Variants in EFNB3 observed in about 807,000 individuals in gnomAD.
The protein encoded by EFNB3 is ephrin B3, also known as ephrin-B3.
A neutral mutation model predicts 29.8 loss-of-function variants in EFNB3; 14 were observed. The ratio of observed to expected loss-of-function variants is 0.47; its 90% confidence interval spans 0.31 to 0.73. The LOEUF (loss-of-function observed/expected upper bound fraction) is 0.73, where lower values mean the gene tolerates loss of function less well. EFNB3 is among the 30% of genes least tolerant of loss of function. The pLI is 0.05. For synonymous variants in EFNB3, 216 were observed against 191.6 expected (o/e 1.13, Z -1.05); for missense variants, 408 against 458.0 (o/e 0.89, Z 1.00).
At position 7,708,369 on chromosome 17, in the gene EFNB3, G is replaced by T. The variant is rs962605727; in HGVS notation, c.416-66G>T. 120 of 1,589,766 alleles carry T rather than the reference G, an allele frequency of 7.5e-5. No individual in the cohort carries two copies. The highest frequency in any genetic ancestry group is 9.2e-5 in the Non-Finnish European group (107 of 1,166,982). ...GCCCTCAGGCAGTGTTCACACCAGG[G>T]TGTGGGGCCAGAATCAGGGCTAGAT... On this transcript the variant is annotated intron_variant, in intron 2 of 4. Coordinates refer to ENST00000226091, the MANE Select transcript of EFNB3 (RefSeq NM_001406.4). This position sits in a 1 kb window ranked among gnomAD's most constrained non-coding sequence, Gnocchi z 6.8.
Position 7,708,637 on chromosome 17 carries a change from C to T in EFNB3, c.511C>T (p.Pro171Ser). The T allele has an allele frequency of 6.3e-7, 1 of 1,578,868 alleles. No homozygotes were observed. The highest frequency in any genetic ancestry group is 8.6e-7 in the Non-Finnish European group (1 of 1,161,514). ...MKVLLRVGQS[P>S]RGGAVPRKPV... ...CTCTGGGTCTTCCTCATCTCCAGGTCCCCGAGGAGGGGCTGTCCCCCGAAA... is the reference window on the plus strand; with the variant it reads ...CTCTGGGTCTTCCTCATCTCCAGGTTCCCGAGGAGGGGCTGTCCCCCGAAA... Residue 171 changes from proline to serine, a missense_variant and splice_region_variant, in exon 4 of 5, where the codon CCC (proline) becomes TCC (serine). Coordinates refer to ENST00000226091, the MANE Select transcript of EFNB3 (RefSeq NM_001406.4). This position sits in a 1 kb window ranked among gnomAD's most constrained non-coding sequence, Gnocchi z 6.8.
At position 7,709,459 on chromosome 17, in the gene EFNB3, T is replaced by A; in HGVS notation, c.906T>A (p.Ala302=). 6.2e-7 allele frequency: 1 copy of A among 1,613,670 alleles called. No homozygotes were observed. Among genetic ancestry groups the A allele is most frequent in the Non-Finnish European group, 8.5e-7 (1 of 1,179,752 alleles). The change falls in exon 5 of 5, where the codon GCT becomes GCA. Residue 302 remains alanine (A), a synonymous_variant. Coordinates refer to ENST00000226091, the MANE Select transcript of EFNB3 (RefSeq NM_001406.4). The surrounding 1 kb of genome is among the most constrained non-coding windows in gnomAD (Gnocchi z 4.5). ...ELGIALRGGG[A]ADPPFCPHYE... is the part of the protein sequence containing the mutation. ...GGATAGCTCTGCGGGGTGGCGGGGC[T>A]GCAGATCCCCCCTTCTGCCCCCACT... is the stretch of plus-strand genomic sequence containing the variant.
rs961910507 is a variant in EFNB3, at chr17:7,705,365, G to A, written c.-234G>A. The A allele has an allele frequency of 5.6e-6, 2 of 356,492 alleles. No homozygotes were observed. Among genetic ancestry groups the A allele is most frequent in the African/African-American group, 4.3e-5 (2 of 46,468 alleles). The allele number at this position is 356,492 out of a possible 1,614,324, so 22.1% of individuals were successfully genotyped here. A position where few individuals can be genotyped will look rare whatever the true frequency, so the allele number is the denominator to read the frequency against. On this transcript the variant is annotated 5_prime_UTR_variant, in exon 1 of 5. Transcript: ENST00000226091. The surrounding 1 kb of genome is among the most constrained non-coding windows in gnomAD (Gnocchi z 5.4). ...GGCTCACAGATCCCGGGGTGCTGGC[G>A]CGTGGGCCGGGGGCGCGTAGGGCGC... is the stretch of plus-strand genomic sequence containing the variant.
Position 7,708,216 on chromosome 17 carries a change from C to T in EFNB3, c.381C>T (p.His127=), listed in dbSNP as rs577601810. The part of the protein sequence containing the change: ...FQEYSPNLWG[H]EFRSHHDYYI... ...AGTATAGCCCTAATCTCTGGGGCCA[C>T]GAGTTCCGCTCGCACCACGATTACT... The change falls in exon 2 of 5, where the codon CAC becomes CAT. Residue 127 remains histidine, a synonymous_variant. Coordinates refer to ENST00000226091, the MANE Select transcript of EFNB3 (RefSeq NM_001406.4). The surrounding 1 kb of genome is among the most constrained non-coding windows in gnomAD (Gnocchi z 6.8). The T allele has an allele frequency of 1.7e-5, 28 of 1,611,138 alleles. No individual in the cohort carries two copies. The highest frequency in any genetic ancestry group is 7.7e-5 in the South Asian group (7 of 91,090).
intron 1 of EFNB3, among the ~76,000 whole-genome samples, chr17:7,706,424 T>C (rs1411066605): frequency 2.6e-5 from 4 of 152,090 alleles, no homozygotes; most frequent in Non-Finnish European, 5.9e-5. Context: ...TGCTGCAAAC[T>C]CTTCCATCAG....
chr17:7,708,318 C>G lies in EFNB3; in HGVS notation c.415+68C>G. 1.3e-6 allele frequency: 2 copies of G among 1,584,510 alleles called. No homozygotes were observed. Among genetic ancestry groups the G allele is most frequent in the Non-Finnish European group, 1.7e-6 (2 of 1,164,216 alleles). ...TACTGAGCAGAGAGGGAGGGGGACC[C>G]CTGCAGCCAAGAGGGAGATCCCAGT... On this transcript the variant is annotated intron_variant, in intron 2 of 4. Transcript: ENST00000226091. The surrounding 1 kb of genome is among the most constrained non-coding windows in gnomAD (Gnocchi z 6.8).
Position 7,709,229 on chromosome 17 carries a change from C to G in EFNB3, c.676C>G (p.Pro226Ala), listed in dbSNP as rs959088807. The G allele has an allele frequency of 6.2e-7, 1 of 1,602,040 alleles. No homozygotes were observed. The highest frequency in any genetic ancestry group is 2.2e-5 in the East Asian group (1 of 44,630). The change falls in exon 5 of 5, where the codon CCT becomes GCT. Residue 226 changes from proline to alanine, a missense_variant. This residue lies in a region of EFNB3 where 233 missense variants were observed against 230.7 expected (regional missense o/e 1.01). Coordinates refer to ENST00000226091, the MANE Select transcript of EFNB3 (RefSeq NM_001406.4). The surrounding 1 kb of genome is among the most constrained non-coding windows in gnomAD (Gnocchi z 4.5). ...AEGPLPPPSM[P>A]AVAGAAGGLA... ...AGGCCCCCTGCCCCCTCCCAGCATG[C>G]CTGCAGTGGCTGGGGCAGCAGGGGG...
Position 7,709,755 on chromosome 17 carries a change from C to G in EFNB3, c.*179C>G. The G allele has an allele frequency of 4.3e-6, 3 of 699,488 alleles. No homozygotes were observed. The highest frequency in any genetic ancestry group is 7.3e-6 in the Non-Finnish European group (3 of 408,412). 43.3% of individuals were successfully genotyped at this position (699,488 alleles called of 1,614,324 possible). A position where few individuals can be genotyped will look rare whatever the true frequency, so the allele number is the denominator to read the frequency against. ...GGATTCCTTAGGATTCCCACTGCCC[C>G]ACTTCCTGCCCTCCCGTTTGGCCAT... On this transcript the variant is annotated 3_prime_UTR_variant, in exon 5 of 5. Transcript: ENST00000226091. The surrounding 1 kb of genome is among the most constrained non-coding windows in gnomAD (Gnocchi z 4.5).
Position 7,705,538 on chromosome 17 carries a change from C to A in EFNB3, c.-61C>A, listed in dbSNP as rs1006548014. On this transcript the variant is annotated 5_prime_UTR_variant, in exon 1 of 5. Transcript: ENST00000226091. The surrounding 1 kb of genome is among the most constrained non-coding windows in gnomAD (Gnocchi z 5.4). ...AAGAGCCAGGCAGCCAAGGCAGCCA[C>A]CCCGGGGGGTGGGCGACTTTGGGGG... 9 of 1,030,260 alleles carry A rather than the reference C, an allele frequency of 8.7e-6. No homozygotes were observed. Among genetic ancestry groups the A allele is most frequent in the Non-Finnish European group, 1.2e-5 (9 of 753,032 alleles). 63.8% of individuals were successfully genotyped at this position (1,030,260 alleles called of 1,614,324 possible). A position where few individuals can be genotyped will look rare whatever the true frequency, so the allele number is the denominator to read the frequency against.
In EFNB3 at chr17:7,708,416, T is replaced by C; in HGVS notation, c.416-19T>C. The C allele has an allele frequency of 6.2e-7, 1 of 1,608,182 alleles. No homozygotes were observed. The highest frequency in any genetic ancestry group is 8.5e-7 in the Non-Finnish European group (1 of 1,177,278). On this transcript the variant is annotated intron_variant, in intron 2 of 4. Coordinates refer to ENST00000226091, the MANE Select transcript of EFNB3 (RefSeq NM_001406.4). The surrounding 1 kb of genome is among the most constrained non-coding windows in gnomAD (Gnocchi z 6.8). ...AGATTCTGGAGTGCCAACCTCTTCCTCTGGCTTTTCTCTCCCAGCCACATC... is the reference window on the plus strand; with the variant it reads ...AGATTCTGGAGTGCCAACCTCTTCCCCTGGCTTTTCTCTCCCAGCCACATC...
Position 7,709,042 on chromosome 17 carries a change from G to A in EFNB3, c.614-125G>A, listed in dbSNP as rs1900721179. The A allele has an allele frequency of 1.2e-5, 12 of 1,003,312 alleles. No homozygotes were observed. The highest frequency in any genetic ancestry group is 2.3e-5 in the Admixed American group (1 of 43,258). 62.2% of individuals were successfully genotyped at this position (1,003,312 alleles called of 1,614,324 possible). A position where few individuals can be genotyped will look rare whatever the true frequency, so the allele number is the denominator to read the frequency against. Reference sequence around the variant, plus strand: ...AGAGTTCGGAGGGGGAGGAGAGATGGGGTCCCCAAGGGGCCTGGGCGCTAC... The same window carrying A: ...AGAGTTCGGAGGGGGAGGAGAGATGAGGTCCCCAAGGGGCCTGGGCGCTAC... On this transcript the variant is annotated intron_variant, in intron 4 of 4. Coordinates refer to ENST00000226091, the MANE Select transcript of EFNB3 (RefSeq NM_001406.4). The surrounding 1 kb of genome is among the most constrained non-coding windows in gnomAD (Gnocchi z 4.5).
rs1597427018 is a variant in EFNB3, at chr17:7,708,465, A to G, written c.446A>G (p.Glu149Gly). 1.2e-6 allele frequency: 2 copies of G among 1,613,844 alleles called. No homozygotes were observed. Among genetic ancestry groups the G allele is most frequent in the East Asian group, 2.2e-5 (1 of 44,878 alleles). The change falls in exon 3 of 5, where the codon GAG becomes GGG. Residue 149 changes from glutamate to glycine, a missense_variant. Transcript: ENST00000226091. This position sits in a 1 kb window ranked among gnomAD's most constrained non-coding sequence, Gnocchi z 6.8. Reference protein sequence around the residue: ...ATSDGTREGLESLQGGVCLTR... With the variant: ...ATSDGTREGLGSLQGGVCLTR... ...TCGGATGGGACCCGGGAGGGCCTGG[A>G]GAGCCTGCAGGGAGGTGTGTGCCTA...
chr17:7,707,937 A>C, intron 1 of EFNB3, 21 bp from the exon 2 acceptor site: 1 of 1,588,604 alleles, frequency 6.3e-7, no homozygotes, highest in Non-Finnish European at 8.6e-7. Context: ...TTCCTTGTCC[A>C]CCTTACCCTC....
At position 7,708,042 on chromosome 17, in the gene EFNB3, C is replaced by T. The variant is rs1226030847; in HGVS notation, c.207C>T (p.Gly69=). 5 of 1,613,934 alleles carry T rather than the reference C, an allele frequency of 3.1e-6. No individual in the cohort carries two copies. The highest frequency in any genetic ancestry group is 2.2e-5 in the East Asian group (1 of 44,856). ...DLLCPRARPP[G]PHSSPNYEFY... ...TCTGCCCCCGGGCCCGGCCTCCTGG[C>T]CCTCACTCCTCTCCTAATTATGAGT... is the stretch of plus-strand genomic sequence containing the variant. The change falls in exon 2 of 5, where the codon GGC becomes GGT. Residue 69 remains glycine (G), a synonymous_variant. Transcript: ENST00000226091. The surrounding 1 kb of genome is among the most constrained non-coding windows in gnomAD (Gnocchi z 6.8).
Position 7,709,194 on chromosome 17 carries a change from G to A in EFNB3, c.641G>A (p.Arg214Gln). ...PGDPTSNATSRGAEGPLPPPS... is the reference protein window; with the variant it reads ...PGDPTSNATSQGAEGPLPPPS... ...GACCCCACCAGCAATGCAACCTCCC[G>A]GGGTGCTGAAGGCCCCCTGCCCCCT... Residue 214 changes from arginine (R) to glutamine (Q), a missense_variant, in exon 5 of 5, where the codon CGG becomes CAG. This residue lies in a region of EFNB3 where 233 missense variants were observed against 230.7 expected (regional missense o/e 1.01). Transcript: ENST00000226091. This position sits in a 1 kb window ranked among gnomAD's most constrained non-coding sequence, Gnocchi z 4.5. 2 of 1,604,036 alleles carry A rather than the reference G, an allele frequency of 1.2e-6. No individual in the cohort carries two copies. The highest frequency in any genetic ancestry group is 2.2e-5 in the East Asian group (1 of 44,756).
Position 7,705,604 on chromosome 17 carries a change from G to GC in EFNB3, c.13dup (p.His5ProfsTer36), listed in dbSNP as rs745309220. The GC allele has an allele frequency of 6.8e-6, 10 of 1,478,324 alleles. No homozygotes were observed. The highest frequency in any genetic ancestry group is 1.4e-5 in the South Asian group (1 of 73,398). 91.6% of individuals were successfully genotyped at this position (1,478,324 alleles called of 1,614,324 possible). A position where few individuals can be genotyped will look rare whatever the true frequency, so the allele number is the denominator to read the frequency against. ...CCCCAGGCCTTGGCGGGGTCATGGG[G>GC]CCCCCCCATTCTGGGCCGGGGGGCG... On this transcript the variant is annotated frameshift_variant, in exon 1 of 5. Coordinates refer to ENST00000226091, the MANE Select transcript of EFNB3 (RefSeq NM_001406.4). LOFTEE classifies it high-confidence loss of function. This position sits in a 1 kb window ranked among gnomAD's most constrained non-coding sequence, Gnocchi z 5.4.
In EFNB3 at chr17:7,707,648, C is replaced by T. The variant is rs941348481; in HGVS notation, c.123-310C>T. ...TCCTTGGTAACTGGCATCCTGTTGCCATGGCAACGGGGCTGGTGATGGAGC... is the reference window on the plus strand; with the variant it reads ...TCCTTGGTAACTGGCATCCTGTTGCTATGGCAACGGGGCTGGTGATGGAGC... On this transcript the variant is annotated intron_variant, in intron 1 of 4. Coordinates refer to ENST00000226091, the MANE Select transcript of EFNB3 (RefSeq NM_001406.4). Among the ~76,000 whole-genome samples, 13 of 152,216 alleles carry T rather than the reference C, an allele frequency of 8.5e-5. No individual in the cohort carries two copies. In the Middle Eastern group the frequency reaches 0.014, roughly 160 times the overall value.
In EFNB3 at chr17:7,708,376, G is replaced by T; in HGVS notation, c.416-59G>T. The T allele has an allele frequency of 1.9e-6, 3 of 1,588,970 alleles. No individual in the cohort carries two copies. Among genetic ancestry groups the T allele is most frequent in the Non-Finnish European group, 2.6e-6 (3 of 1,165,976 alleles). On this transcript the variant is annotated intron_variant, in intron 2 of 4. Transcript: ENST00000226091. This position sits in a 1 kb window ranked among gnomAD's most constrained non-coding sequence, Gnocchi z 6.8. ...GGCAGTGTTCACACCAGGGTGTGGG[G>T]CCAGAATCAGGGCTAGATTCTGGAG...
chr17:7,707,807 C>G, intron 1 of EFNB3, 151 bp from the exon 2 acceptor site: 1 of 860,728 alleles, frequency 1.2e-6, no homozygotes, highest in East Asian at 2.6e-5. Flanking sequence ...TTGGTGCCTG[C>G]TCTATAAGAA....
Sources: allele counts gnomAD v4.1 joint callset (sites outside exome capture counted in the v4.1 genomes callset), GRCh38; gene constraint gnomAD v4.1.1; regional missense constraint gnomAD v4.1.1; non-coding constraint Gnocchi (gnomAD v3.1); transcripts MANE v1.5; gene names NCBI Gene and HGNC (gene_info 2026-07-23, HGNC 2026-07-21).